Variants in PPP6C observed in about 807,000 individuals in gnomAD.
PPP6C encodes protein phosphatase 6 catalytic subunit, also known as serine/threonine-protein phosphatase 6 catalytic subunit.
In PPP6C, 11 loss-of-function variants were observed where a neutral mutation model predicts 39.8. The observed-to-expected ratio is 0.28, with a 90% CI of 0.17 to 0.46. The LOEUF is 0.46. PPP6C is among the 20% of genes least tolerant of loss of function. The probability of loss-of-function intolerance (pLI) is 1.00; values close to 1 mark genes in which losing one functional copy is unlikely to be tolerated. For missense variants in PPP6C, 211 were observed against 373.9 expected (o/e 0.56, Z 3.59); for synonymous variants, 129 against 130.3 (o/e 0.99, Z 0.07).
chr9:125,183,059 A>G (rs1161732053), intron 1 of PPP6C, among the ~76,000 whole-genome samples: 1 of 152,126 alleles, frequency 6.6e-6, no homozygotes, highest in Non-Finnish European at 1.5e-5. Flanking sequence ...GTATTCCTTA[A>G]TCTAGTTATA....
chr9:125,160,273 A>G (rs1828829901), intron 3 of PPP6C, among the ~76,000 whole-genome samples: 1 of 152,204 alleles, frequency 6.6e-6, no homozygotes, highest in Admixed American at 6.5e-5. Context: ...TTTTATGCCC[A>G]ACCATTACTG....
intron 4 of PPP6C, among the ~76,000 whole-genome samples, chr9:125,156,190 A>T (rs1388117777): frequency 2.0e-5 from 3 of 152,306 alleles, no homozygotes; most frequent in Non-Finnish European, 2.9e-5. Context: ...TACACGTATT[A>T]AAAAAATTAT....
In PPP6C at chr9:125,171,161, C is replaced by A; in HGVS notation, c.95G>T (p.Cys32Phe). The stretch of plus-strand genomic sequence containing the variant: ...ATTTGACTCTTCTAAGAGGAGGTCA[C>A]AAACGTAGTCACATAGCCGCTATAA... ...NDLKRLCDYV[C>F]DLLLEESNVQ... is the part of the protein sequence containing the mutation. The change falls in exon 2 of 7, where the codon TGT (cysteine) becomes TTT (phenylalanine). Residue 32 changes from cysteine (C) to phenylalanine (F), a missense_variant. By Grantham distance (205) the Cys-to-Phe change is radical. Transcript: ENST00000373547. 1 of 1,594,446 alleles carries A rather than the reference C, an allele frequency of 6.3e-7. No individual in the cohort carries two copies.
intron 1 of PPP6C, among the ~76,000 whole-genome samples, chr9:125,172,501 C>T (rs1255127662): frequency 6.6e-6 from 1 of 152,164 alleles, no homozygotes; most frequent in Admixed American, 6.5e-5. Flanking sequence ...AGCCACTGCA[C>T]TCGGCCGTGT....
intron 2 of PPP6C, among the ~76,000 whole-genome samples, chr9:125,168,453 A>G (rs1294396385): frequency 1.3e-5 from 2 of 152,068 alleles, no homozygotes; most frequent in Non-Finnish European, 2.9e-5. Flanking sequence ...TCTGATTAGC[A>G]ATCTTCTGTT....
At chr9:125,156,000 G>C (rs1836062859) in intron 4 of PPP6C, among the ~76,000 whole-genome samples, 2 of 151,764 alleles carry the variant, frequency 1.3e-5, no homozygotes, top group South Asian at 4.2e-4. Context: ...TATATAGTAG[G>C]TGTGTGTGTT....
chr9:125,181,790 T>C (rs1363632612), intron 1 of PPP6C, among the ~76,000 whole-genome samples: 2 of 152,240 alleles, frequency 1.3e-5, no homozygotes, highest in Non-Finnish European at 2.9e-5. Context: ...TATAGTAGAA[T>C]GATTTATAAT....
At chr9:125,159,882 C>T (rs1195535789) in intron 3 of PPP6C, among the ~76,000 whole-genome samples, 13 of 152,040 alleles carry the variant, frequency 8.6e-5, no homozygotes, top group African/African-American at 1.2e-4. Flanking sequence ...ATTAGCTGGG[C>T]GTGGTGGCGC....
intron 1 of PPP6C, among the ~76,000 whole-genome samples, chr9:125,176,477 CAA>C (rs1358431370): frequency 1.3e-5 from 2 of 152,016 alleles, no homozygotes; most frequent in African/African-American, 4.8e-5. Context: ...GCAACAATGG[CAA>C]AACCCAGTCT....
At chr9:125,170,981 TTG>T (rs2131327231) in intron 2 of PPP6C, 102 bp downstream of exon 2, 1 of 700,102 alleles carries the variant, frequency 1.4e-6, no homozygotes, top group East Asian at 3.0e-5. Context: ...TTACCACCAG[TTG>T]TGTTTGTTGA....
chr9:125,149,539 A>AT lies in PPP6C; in HGVS notation c.*133dup. On this transcript the variant is annotated 3_prime_UTR_variant, in exon 7 of 7. Transcript: ENST00000373547. ...AAACAATAAATTTAGATAATTTAAA[A>AT]TTTAAAAAAAAAAAGGCAAGAGGCA... 1.8e-6 allele frequency: 2 copies of AT among 1,114,006 alleles called. No homozygotes were observed. Among genetic ancestry groups the AT allele is most frequent in the South Asian group, 1.9e-5 (1 of 51,748 alleles). 69.0% of individuals were successfully genotyped at this position (1,114,006 alleles called of 1,614,324 possible). A position where few individuals can be genotyped will look rare whatever the true frequency, so the allele number is the denominator to read the frequency against.
chr9:125,163,935 C>T (rs963612406), intron 2 of PPP6C, among the ~76,000 whole-genome samples: 4 of 151,178 alleles, frequency 2.6e-5, no homozygotes, highest in Non-Finnish European at 2.9e-5. Flanking sequence ...GCAACCTCCA[C>T]CTCCTGGGTT....
chr9:125,163,956 T>C (rs1828953411), intron 2 of PPP6C, among the ~76,000 whole-genome samples: 1 of 151,684 alleles, frequency 6.6e-6, no homozygotes, highest in Admixed American at 6.6e-5. Flanking sequence ...CAAGTGATTT[T>C]CCTGCCTCAG....
intron 2 of PPP6C, among the ~76,000 whole-genome samples, chr9:125,162,604 T>C (rs749989428): frequency 1.3e-5 from 2 of 150,546 alleles, no homozygotes; most frequent in Non-Finnish European, 2.9e-5. Context: ...AAACCCTGTC[T>C]CTACTAAAAA....
chr9:125,180,175 C>T (rs535136105), intron 1 of PPP6C, among the ~76,000 whole-genome samples: 2 of 152,134 alleles, frequency 1.3e-5, no homozygotes, highest in East Asian at 3.9e-4. Flanking sequence ...CTATGTATTA[C>T]CTCATAAATA....
chr9:125,187,164 C>G (rs778357923), intron 1 of PPP6C, among the ~76,000 whole-genome samples: 3 of 151,686 alleles, frequency 2.0e-5, no homozygotes, highest in African/African-American at 7.3e-5. Context: ...CCAGGCTGGT[C>G]TCGAGCTCCT....
chr9:125,176,805 T>C (rs1406468307), intron 1 of PPP6C, among the ~76,000 whole-genome samples: 2 of 152,060 alleles, frequency 1.3e-5, no homozygotes, highest in African/African-American at 4.8e-5. Context: ...GACAGGGTAG[T>C]AGAAGTAGAA....
In PPP6C at chr9:125,149,555, G is replaced by A. The variant is rs201970714; in HGVS notation, c.*118C>T. 34 of 1,169,050 alleles carry A rather than the reference G, an allele frequency of 2.9e-5. No homozygotes were observed. The highest frequency in any genetic ancestry group is 2.3e-4 in the Middle Eastern group (1 of 4,280). The allele number at this position is 1,169,050 out of a possible 1,614,324, so 72.4% of individuals were successfully genotyped here. A position where few individuals can be genotyped will look rare whatever the true frequency, so the allele number is the denominator to read the frequency against. Reference sequence around the variant, plus strand: ...TAATTTAAAATTTAAAAAAAAAAAGGCAAGAGGCAGCATTTCAGCAGCAAA... The same window carrying A: ...TAATTTAAAATTTAAAAAAAAAAAGACAAGAGGCAGCATTTCAGCAGCAAA... On this transcript the variant is annotated 3_prime_UTR_variant, in exon 7 of 7. Transcript: ENST00000373547.
chr9:125,155,391 A>G (rs1343437327), intron 4 of PPP6C, among the ~76,000 whole-genome samples: 1 of 152,190 alleles, frequency 6.6e-6, no homozygotes, highest in African/African-American at 2.4e-5. Context: ...TCTCAATTAT[A>G]TATCTACGTG....
Sources: gnomAD v4.1 joint callset for allele counts (sites outside exome capture counted in the v4.1 genomes callset) on GRCh38, gnomAD v4.1.1 for gene constraint, MANE v1.5 for transcripts, NCBI Gene and HGNC (gene_info 2026-07-23, HGNC 2026-07-21) for gene names.